Variants in GPR143 observed in about 807,000 individuals in gnomAD.
GPR143 encodes the protein G-protein coupled receptor 143.
Under a neutral mutation model 27.6 loss-of-function variants are expected in GPR143, and 8 were observed. The ratio of observed to expected loss-of-function variants is 0.29; its 90% confidence interval spans 0.17 to 0.52. GPR143 has a LOEUF of 0.52. GPR143 is among the 20% of genes least tolerant of loss of function. The pLI, the probability that GPR143 is intolerant of heterozygous loss-of-function variation, is 0.96. For synonymous variants in GPR143, 156 were observed against 153.2 expected, an observed-to-expected ratio of 1.02 and a Z score of -0.13; for missense variants, 303 against 343.1, an observed-to-expected ratio of 0.88 and a Z score of 0.92.
chrX:9,734,276 G>C (rs968602232), intron 8 of GPR143, among the ~76,000 whole-genome samples: 6 of 110,414 alleles, frequency 5.4e-5, no homozygotes, highest in Non-Finnish European at 9.5e-5. Flanking sequence ...AATTATGGGA[G>C]AGCCATGGAA....
intron 8 of GPR143, among the ~76,000 whole-genome samples, chrX:9,727,749 AAC>A (rs2083334740): frequency 8.9e-6 from 1 of 112,262 alleles, no homozygotes; most frequent in African/African-American, 3.2e-5. Flanking sequence ...TGGCCTTCCT[AAC>A]AACAGATGGG....
chrX:9,750,419 G>GTAA (rs2083446656), intron 3 of GPR143, among the ~76,000 whole-genome samples: 1 of 109,567 alleles, frequency 9.1e-6, no homozygotes, highest in South Asian at 3.9e-4. Context: ...ATGTTGCCCA[G>GTAA]GCTGGTTTCA....
intron 5 of GPR143, among the ~76,000 whole-genome samples, chrX:9,744,818 C>T (rs1360280163): frequency 2.7e-5 from 3 of 112,091 alleles, no homozygotes; most frequent in African/African-American, 6.5e-5. Flanking sequence ...ACCCATGGTC[C>T]GTCCACCCAG....
upstream of GPR143, among the ~76,000 whole-genome samples, chrX:9,768,758 A>G (rs1452918259): frequency 1.8e-5 from 2 of 109,782 alleles, no homozygotes; most frequent in African/African-American, 6.6e-5. Context: ...GCTCACTGCA[A>G]TCTCTGCCTC....
upstream of GPR143, chrX:9,766,117 T>G: frequency 2.3e-5 from 4 of 176,141 alleles, no homozygotes; most frequent in Non-Finnish European, 4.3e-5. Context: ...TTGGGAAGGT[T>G]ACCTTTCTCC....
At chrX:9,739,383 C>T (rs987162882) in intron 8 of GPR143, 102 bp downstream of exon 8, 8 of 564,067 alleles carry the variant, frequency 1.4e-5, no homozygotes, top group East Asian at 3.6e-5. Context: ...CTGAACACCC[C>T]GCCATGCACA....
intron 5 of GPR143, among the ~76,000 whole-genome samples, chrX:9,745,375 T>C (rs1021031703): frequency 8.9e-6 from 1 of 112,414 alleles, no homozygotes; most frequent in Non-Finnish European, 1.9e-5. Flanking sequence ...CAACAGGTGA[T>C]CTTCAAAGGA....
At chrX:9,772,981 T>G in intron 1 of GPR143, among the ~76,000 whole-genome samples, 1 of 55,287 alleles carries the variant, frequency 1.8e-5, no homozygotes, top group South Asian at 7.4e-4. Flanking sequence ...GATTGTGGTA[T>G]GAGTGGTTGA....
At chrX:9,742,999 C>A (rs754960371) in intron 6 of GPR143, among the ~76,000 whole-genome samples, 29 of 110,761 alleles carry the variant, frequency 2.6e-4, no homozygotes, top group African/African-American at 9.2e-4. Flanking sequence ...CCCAGCTACT[C>A]GGGAGGCTGA....
chrX:9,766,618 C>T (rs2083534515), upstream of GPR143, among the ~76,000 whole-genome samples: 1 of 111,801 alleles, frequency 8.9e-6, no homozygotes, highest in Non-Finnish European at 1.9e-5. Flanking sequence ...CCAAGCTACT[C>T]GGCAGGCTGA....
intron 1 of GPR143, among the ~76,000 whole-genome samples, chrX:9,765,173 C>T (rs1351384714): frequency 2.7e-5 from 3 of 112,144 alleles, no homozygotes; most frequent in Non-Finnish European, 3.8e-5. Flanking sequence ...AGTTCCAACC[C>T]GAGTGGATCG....
intron 8 of GPR143, among the ~76,000 whole-genome samples, chrX:9,731,078 T>G (rs976949942): frequency 8.0e-5 from 9 of 111,887 alleles, no homozygotes; most frequent in Admixed American, 2.9e-4. Flanking sequence ...TTGAAAGAAG[T>G]GCTCTGAGAG....
intron 1 of GPR143, 54 bp downstream of exon 1, chrX:9,765,514 G>GC: frequency 9.6e-7 from 1 of 1,039,694 alleles, no homozygotes; most frequent in Non-Finnish European, 1.2e-6. Context: ...CGGGCCACGC[G>GC]CCCTCACCCA....
intron 1 of GPR143, among the ~76,000 whole-genome samples, chrX:9,762,692 C>G (rs1046386745): frequency 2.7e-5 from 3 of 112,019 alleles, no homozygotes; most frequent in Non-Finnish European, 5.6e-5. Flanking sequence ...TTCTCATTAT[C>G]AAGCCACTGC....
intron 3 of GPR143, among the ~76,000 whole-genome samples, chrX:9,758,809 G>A (rs1349500380): frequency 9.0e-6 from 1 of 111,027 alleles, no homozygotes; most frequent in Non-Finnish European, 1.9e-5. Context: ...AATCGCTTGA[G>A]CCTGGGAGGT....
chrX:9,739,148 G>C (rs959664107), intron 8 of GPR143, among the ~76,000 whole-genome samples: 7 of 112,612 alleles, frequency 6.2e-5, no homozygotes, highest in Admixed American at 4.7e-4. Context: ...TCACGGGATT[G>C]TGTGGTGTTT....
Position 9,765,804 on chromosome X carries a change from C to T in GPR143, c.14G>A (p.Arg5His). The change falls in exon 1 of 9, where the codon CGC becomes CAC. Residue 5 changes from arginine (R) to histidine (H), a missense_variant. By Grantham distance (29) the Arg-to-His change is conservative (BLOSUM62 0). Transcript: ENST00000467482. MASP[R>H]LGTFCCPTRD... Reference sequence around the variant, plus strand: ...CGTGGGGCAGCAGAAGGTCCCTAGGCGCGGGGAGGCCATGGGCTGTGTTCG... The same window carrying T: ...CGTGGGGCAGCAGAAGGTCCCTAGGTGCGGGGAGGCCATGGGCTGTGTTCG... 9.0e-7 allele frequency: 1 copy of T among 1,117,291 alleles called. No individual in the cohort carries two copies. The highest frequency in any genetic ancestry group is 1.2e-6 in the Non-Finnish European group (1 of 852,955). The allele number at this position is 1,117,291 out of a possible 1,213,427, so 92.1% of individuals were successfully genotyped here.
At chrX:9,774,472 G>A (rs1409457873) in intron 1 of GPR143, among the ~76,000 whole-genome samples, 2 of 112,614 alleles carry the variant, frequency 1.8e-5, no homozygotes, top group Non-Finnish European at 3.8e-5. Flanking sequence ...CAGTCAGCCA[G>A]TCCAGCCTGC....
chrX:9,738,892 G>A (rs1305893824), intron 8 of GPR143, among the ~76,000 whole-genome samples: 1 of 111,829 alleles, frequency 8.9e-6, no homozygotes, highest in Non-Finnish European at 1.9e-5. Context: ...CAAACCTGCT[G>A]GCATTACAGG....
Sources: gnomAD v4.1 joint callset for allele counts (sites outside exome capture counted in the v4.1 genomes callset) on GRCh38, gnomAD v4.1.1 for gene constraint, MANE v1.5 for transcripts, NCBI Gene and HGNC (gene_info 2026-07-23, HGNC 2026-07-21) for gene names.